The following NUP35 variants were observed in gnomAD, a reference collection of about 807,000 sequenced individuals.
The protein encoded by NUP35 is nucleoporin 35.
NUP35 carries 25 observed loss-of-function variants against 41.5 expected under a neutral mutation model. The observed-to-expected ratio is 0.60, with a 90% CI of 0.44 to 0.84. The LOEUF is 0.84. Ranked by LOEUF, NUP35 falls within the 40% of genes least tolerant of loss-of-function variation. NUP35 has a pLI of 0.00. For synonymous variants in NUP35, 149 were observed against 130.7 expected (o/e 1.14, Z -0.96); for missense variants, 396 against 396.6 (o/e 1.00, Z 0.01).
At chr2:183,134,885 A>G (rs1466847425) in intron 4 of NUP35, among the ~76,000 whole-genome samples, 1 of 151,912 alleles carries the variant, frequency 6.6e-6, no homozygotes, top group Non-Finnish European at 1.5e-5. Context: ...CGGCCTCCCA[A>G]AGTGCTGGGA....
intron 3 of NUP35, among the ~76,000 whole-genome samples, chr2:183,132,419 G>A (rs1436221727): frequency 6.6e-6 from 1 of 151,630 alleles, no homozygotes; most frequent in Non-Finnish European, 1.5e-5. Flanking sequence ...AAGGCTAGAT[G>A]TGGTGGTGTG....
chr2:183,134,585 G>A (rs1684812358), intron 4 of NUP35, among the ~76,000 whole-genome samples: 1 of 150,884 alleles, frequency 6.6e-6, no homozygotes, highest in Non-Finnish European at 1.5e-5. Flanking sequence ...GTAGGGCTGT[G>A]TTCATTTATG....
At chr2:183,122,322 C>T (rs541152870), upstream of NUP35, among the ~76,000 whole-genome samples, 5 of 151,960 alleles carry the variant, frequency 3.3e-5, no homozygotes, top group East Asian at 3.9e-4. Context: ...GTGATCCGCC[C>T]GCCTTGGCCT....
chr2:183,125,558 A>C (rs1054096673), intron 1 of NUP35, among the ~76,000 whole-genome samples: 10 of 152,244 alleles, frequency 6.6e-5, no homozygotes, highest in Non-Finnish European at 1.5e-4. Flanking sequence ...TAATGTCAAT[A>C]ATGCAGATAC....
At chr2:183,133,719 A>T in intron 4 of NUP35, 96 bp downstream of exon 4, 1 of 692,126 alleles carries the variant, frequency 1.4e-6, no homozygotes. Flanking sequence ...GGAGTAAACA[A>T]CTCTGACACC....
At chr2:183,135,063 C>G (rs773737244) in intron 4 of NUP35, among the ~76,000 whole-genome samples, 2 of 152,162 alleles carry the variant, frequency 1.3e-5, no homozygotes, top group Admixed American at 6.5e-5. Flanking sequence ...CTCCCTCTCT[C>G]TTTTAAAGAC....
chr2:183,146,233 C>A (rs1231810679), intron 4 of NUP35, among the ~76,000 whole-genome samples: 1 of 151,002 alleles, frequency 6.6e-6, no homozygotes, highest in African/African-American at 2.4e-5. Context: ...GAGACTCTGT[C>A]TCAAAAAAAA....
chr2:183,138,269 A>ATATATATATATATATATATATATATTT, intron 4 of NUP35, among the ~76,000 whole-genome samples: 3 of 80,690 alleles, frequency 3.7e-5, no homozygotes, highest in South Asian at 4.9e-4. Flanking sequence ...ATATATATAT[A>ATATATATATATATATATATATATATTT]TTTTTTTTTT....
At chr2:183,121,783 G>C (rs1318045123), upstream of NUP35, among the ~76,000 whole-genome samples, 5 of 151,988 alleles carry the variant, frequency 3.3e-5, no homozygotes, top group African/African-American at 1.2e-4. Flanking sequence ...CCAGAGCTGA[G>C]ATCGTGTCAC....
At chr2:183,124,441 GT>G, upstream of NUP35, 1 of 1,614,228 alleles carries the variant, frequency 6.2e-7, no homozygotes, top group East Asian at 2.2e-5. Flanking sequence ...CTGGTTTTAA[GT>G]GTAGTTGCCG....
upstream of NUP35, chr2:183,124,232 C>T (rs1256621652): frequency 2.7e-6 from 3 of 1,107,370 alleles, no homozygotes; most frequent in Non-Finnish European, 2.5e-6. Flanking sequence ...CAGAACCATA[C>T]GCTGGTTCGC....
intron 1 of NUP35, chr2:183,118,231 C>A (rs761769315): frequency 6.6e-6 from 1 of 151,962 alleles, no homozygotes; most frequent in Non-Finnish European, 1.5e-5. Context: ...TTATTTAGTG[C>A]GTTCAGAATA....
chr2:183,132,409 A>G (rs554416929), intron 3 of NUP35, among the ~76,000 whole-genome samples: 2 of 151,502 alleles, frequency 1.3e-5, no homozygotes, highest in South Asian at 4.2e-4. Flanking sequence ...CAAAAAAAAA[A>G]AGGCTAGATG....
intron 4 of NUP35, among the ~76,000 whole-genome samples, chr2:183,142,922 C>T (rs1042248313): frequency 6.6e-6 from 1 of 151,592 alleles, no homozygotes; most frequent in Non-Finnish European, 1.5e-5. Context: ...TTTGGGAGGC[C>T]GAGGTGGGTG....
At chr2:183,156,665 T>C (rs1323801748) in intron 5 of NUP35, among the ~76,000 whole-genome samples, 1 of 151,658 alleles carries the variant, frequency 6.6e-6, no homozygotes, top group South Asian at 2.1e-4. Context: ...TTTTAATGTG[T>C]TTGGTTTCTG....
intron 5 of NUP35, 40 bp from the exon 6 acceptor site, chr2:183,157,404 G>A: frequency 7.1e-7 from 1 of 1,413,352 alleles, no homozygotes; most frequent in Non-Finnish European, 1.0e-6. Flanking sequence ...CACATTGATA[G>A]TAGAAGCTGA....
chr2:183,141,280 G>T (rs1275688246), intron 4 of NUP35, among the ~76,000 whole-genome samples: 1 of 152,036 alleles, frequency 6.6e-6, no homozygotes, highest in South Asian at 2.1e-4. Flanking sequence ...GTTACATATA[G>T]GGCCCACCTG....
At chr2:183,148,247 G>A (rs1009212248) in intron 4 of NUP35, among the ~76,000 whole-genome samples, 4 of 152,140 alleles carry the variant, frequency 2.6e-5, no homozygotes, top group Non-Finnish European at 4.4e-5. Flanking sequence ...TTGCTATTGT[G>A]AATAGTGCTG....
chr2:183,141,066 T>G (rs534249856), intron 4 of NUP35, among the ~76,000 whole-genome samples: 1 of 152,206 alleles, frequency 6.6e-6, no homozygotes, highest in East Asian at 1.9e-4. Flanking sequence ...TGGGCTAAAG[T>G]CAAGGGGTTG....
Sources: gnomAD v4.1 joint callset for allele counts (sites outside exome capture counted in the v4.1 genomes callset) on GRCh38, gnomAD v4.1.1 for gene constraint, MANE v1.5 for transcripts, NCBI Gene and HGNC (gene_info 2026-07-23, HGNC 2026-07-21) for gene names.